ERC1: variants seen among roughly 807,000 people sequenced by gnomAD.
The protein encoded by ERC1 is ELKS/RAB6-interacting/CAST family member 1.
In ERC1, 56 loss-of-function variants were observed where a neutral mutation model predicts 132.0. The ratio of observed to expected loss-of-function variants is 0.42; its 90% CI spans 0.34 to 0.53. The LOEUF is 0.53. Among genes scored for constraint, ERC1 ranks in the 20% least tolerant of loss-of-function variants. The pLI, the probability that ERC1 is intolerant of heterozygous loss-of-function variation, is 0.03. For missense variants in ERC1, 1,202 were observed against 1,349.9 expected (o/e 0.89, Z 1.72); for synonymous variants, 478 against 476.1 (o/e 1.00, Z -0.05).
chr12:1,340,202 T>C (rs574519159), intron 15 of ERC1, among the ~76,000 whole-genome samples: 38 of 152,192 alleles, frequency 2.5e-4, no homozygotes, highest in African/African-American at 7.9e-4. Context: ...TAGGCTGTGG[T>C]CCCTAGAGAG....
chr12:1,285,066 T>C (rs753625464), intron 14 of ERC1, among the ~76,000 whole-genome samples: 1 of 152,258 alleles, frequency 6.6e-6, no homozygotes, highest in African/African-American at 2.4e-5. Context: ...ATCGAATTTT[T>C]TTTTGTTTGC....
chr12:1,120,309 A>G (rs1398466584), intron 7 of ERC1, among the ~76,000 whole-genome samples: 1 of 152,178 alleles, frequency 6.6e-6, no homozygotes, highest in African/African-American at 2.4e-5. Context: ...GGAAATTTAA[A>G]TTCAGTGGGT....
At position 1,478,792 on chromosome 12, in the gene ERC1, A is replaced by T. The variant is rs574318348; in HGVS notation, c.3214-11301A>T. ...CGACAGAGTGAGACTCTGTCTCAAT[A>T]AAAAAAAGAGAGAGAGAGAGAGAGA... On this transcript the variant is annotated intron_variant, in intron 18 of 18. Coordinates refer to ENST00000360905, the MANE Select transcript of ERC1 (RefSeq NM_178040.4). 6.9e-4 allele frequency among the ~76,000 whole-genome samples: 36 copies of T among 51,960 alleles called. No individual in the cohort carries two copies. The South Asian group carries it at 0.016, about 23-fold the overall frequency. 34.1% of individuals were successfully genotyped at this position (51,960 alleles called of 152,430 possible). A position where few individuals can be genotyped will look rare whatever the true frequency, so the allele number is the denominator to read the frequency against.
intron 14 of ERC1, among the ~76,000 whole-genome samples, chr12:1,283,614 C>T (rs1403354620): frequency 6.6e-6 from 1 of 152,132 alleles, no homozygotes; most frequent in Non-Finnish European, 1.5e-5. Flanking sequence ...ACCATTCTTG[C>T]CTTGAATACT....
intron 12 of ERC1, among the ~76,000 whole-genome samples, chr12:1,227,070 C>T (rs2074636419): frequency 6.6e-6 from 1 of 152,212 alleles, no homozygotes; most frequent in South Asian, 2.1e-4. Flanking sequence ...TGTTGTTTCA[C>T]ATTTTGGCTA....
At chr12:1,177,445 T>A (rs1177227345) in intron 8 of ERC1, among the ~76,000 whole-genome samples, 3 of 152,232 alleles carry the variant, frequency 2.0e-5, no homozygotes, top group Non-Finnish European at 4.4e-5. Context: ...TCCTTCTCCC[T>A]GACTATTTAG....
chr12:1,080,050 A>G (rs1941960692), intron 2 of ERC1, among the ~76,000 whole-genome samples: 1 of 152,244 alleles, frequency 6.6e-6, no homozygotes, highest in South Asian at 2.1e-4. Context: ...TGCATCTTAC[A>G]ATAGTGAAAA....
chr12:1,026,764 T>C (rs1436463244), intron 1 of ERC1, among the ~76,000 whole-genome samples: 4 of 152,262 alleles, frequency 2.6e-5, no homozygotes, highest in East Asian at 1.9e-4. Flanking sequence ...TGAAGAATTA[T>C]GGATTTGTAA....
intron 1 of ERC1, among the ~76,000 whole-genome samples, chr12:1,024,026 A>G (rs1214964964): frequency 6.6e-6 from 1 of 152,140 alleles, no homozygotes; most frequent in Non-Finnish European, 1.5e-5. Context: ...TTCCTGTTTG[A>G]TTTCTTTGTT....
chr12:1,004,678 T>A (rs1963190644), intron 1 of ERC1, among the ~76,000 whole-genome samples: 1 of 152,106 alleles, frequency 6.6e-6, no homozygotes, highest in Non-Finnish European at 1.5e-5. Context: ...GTGCTGGGAT[T>A]ACAGGTGTGA....
chr12:1,398,236 A>G (rs757888476), intron 16 of ERC1, among the ~76,000 whole-genome samples: 4 of 152,116 alleles, frequency 2.6e-5, no homozygotes, highest in Non-Finnish European at 4.4e-5. Flanking sequence ...CTCCCTCCTC[A>G]GCCTCCCAAA....
At chr12:1,008,869 C>G (rs954236060) in intron 1 of ERC1, among the ~76,000 whole-genome samples, 7 of 152,186 alleles carry the variant, frequency 4.6e-5, no homozygotes, top group South Asian at 2.1e-4. Flanking sequence ...CTCGGTCTCA[C>G]TAGCCACCTT....
chr12:1,356,427 AAAT>A (rs1314246550), intron 15 of ERC1, among the ~76,000 whole-genome samples: 1 of 152,220 alleles, frequency 6.6e-6, no homozygotes, highest in East Asian at 1.9e-4. Context: ...ACTTGCTTTG[AAAT>A]AATATTTTCA....
chr12:1,057,579 C>T (rs976754479), intron 2 of ERC1, among the ~76,000 whole-genome samples: 3 of 134,230 alleles, frequency 2.2e-5, no homozygotes, highest in African/African-American at 8.3e-5. Flanking sequence ...TTGAAGGATG[C>T]GCATGGTTTT....
At chr12:1,079,351 C>G (rs1161929788) in intron 2 of ERC1, among the ~76,000 whole-genome samples, 1 of 129,676 alleles carries the variant, frequency 7.7e-6, no homozygotes, top group South Asian at 2.7e-4. Flanking sequence ...TACAGAGATA[C>G]AGATAGAAAT....
intron 3 of ERC1, among the ~76,000 whole-genome samples, chr12:1,094,626 G>A (rs1943770595): frequency 6.6e-6 from 1 of 152,028 alleles, no homozygotes; most frequent in South Asian, 2.1e-4. Context: ...GGTCAGGCTG[G>A]TCTCGAACTC....
intron 1 of ERC1, among the ~76,000 whole-genome samples, chr12:1,006,237 A>T (rs1039275540): frequency 6.6e-6 from 1 of 152,006 alleles, no homozygotes; most frequent in Non-Finnish European, 1.5e-5. Flanking sequence ...GATTACAGGC[A>T]TGAACCACTG....
At chr12:1,009,322 C>G (rs1020015451) in intron 1 of ERC1, among the ~76,000 whole-genome samples, 1 of 151,952 alleles carries the variant, frequency 6.6e-6, no homozygotes, top group African/African-American at 2.4e-5. Context: ...CTACAGGTGC[C>G]CGCCACCACG....
Position 1,245,539 on chromosome 12 carries a change from C to T in ERC1, c.2487+8635C>T, listed in dbSNP as rs116641371. 2.1e-3 allele frequency among the ~76,000 whole-genome samples: 314 copies of T among 152,262 alleles called. 1 individual carries two copies. Among genetic ancestry groups the T allele is most frequent in the African/African-American group, 7.1e-3 (295 of 41,548 alleles). On this transcript the variant is annotated intron_variant, in intron 13 of 18. Transcript: ENST00000360905. The stretch of plus-strand genomic sequence containing the variant: ...AGATGATTCATTTCTTTTCAATTTT[C>T]CATTCTTTGAATACTTCAGATAGTA...
Sources: gnomAD v4.1 joint callset for allele counts (sites outside exome capture counted in the v4.1 genomes callset) on GRCh38, gnomAD v4.1.1 for gene constraint, MANE v1.5 for transcripts, NCBI Gene and HGNC (gene_info 2026-07-23, HGNC 2026-07-21) for gene names.